The following MDFIC2 variants were observed in gnomAD, a reference collection of about 807,000 sequenced individuals.
MDFIC2 encodes myoD family inhibitor domain-containing protein 2.
At chr3:70,288,185 TG>T (rs1400399128) in intron 2 of MDFIC2, among the ~76,000 whole-genome samples, 3 of 143,148 alleles carry the variant, frequency 2.1e-5, no homozygotes, top group Non-Finnish European at 4.5e-5. Flanking sequence ...TGCTTTCTCT[TG>T]TGGGCATTTA....
chr3:70,213,589 C>A (rs1391279646), intron 2 of MDFIC2, among the ~76,000 whole-genome samples: 1 of 152,020 alleles, frequency 6.6e-6, no homozygotes, highest in Non-Finnish European at 1.5e-5. Context: ...AAACCATTAA[C>A]AAATTATTGT....
intron 2 of MDFIC2, among the ~76,000 whole-genome samples, chr3:70,308,123 C>T (rs1702420184): frequency 6.6e-6 from 1 of 152,200 alleles, no homozygotes; most frequent in African/African-American, 2.4e-5. Flanking sequence ...GTGATCATAG[C>T]TCACTGCAGC....
chr3:70,304,001 T>A (rs536329621), intron 2 of MDFIC2, among the ~76,000 whole-genome samples: 11 of 152,164 alleles, frequency 7.2e-5, no homozygotes, highest in Non-Finnish European at 1.5e-4. Flanking sequence ...CTTTAGAGAA[T>A]AAAATGTAGT....
chr3:70,304,774 G>C (rs908891956), intron 2 of MDFIC2, among the ~76,000 whole-genome samples: 8 of 152,034 alleles, frequency 5.3e-5, no homozygotes. Context: ...ATGTTACCCT[G>C]TTTAGAATCT....
intron 2 of MDFIC2, among the ~76,000 whole-genome samples, chr3:70,276,387 G>C (rs1005405507): frequency 6.6e-6 from 1 of 151,990 alleles, no homozygotes; most frequent in African/African-American, 2.4e-5. Flanking sequence ...TAATTCTATT[G>C]TCTTGTGATT....
At chr3:70,290,952 C>A (rs2106692836) in intron 2 of MDFIC2, among the ~76,000 whole-genome samples, 1 of 152,284 alleles carries the variant, frequency 6.6e-6, no homozygotes, top group African/African-American at 2.4e-5. Flanking sequence ...GACCTGAGCC[C>A]ACTGTCTGGC....
chr3:70,277,997 A>G (rs553080606), intron 2 of MDFIC2, among the ~76,000 whole-genome samples: 1 of 152,238 alleles, frequency 6.6e-6, no homozygotes, highest in Non-Finnish European at 1.5e-5. Context: ...AATCTTAAGT[A>G]TATACATTGA....
chr3:70,285,999 T>G (rs1344204391), intron 2 of MDFIC2, among the ~76,000 whole-genome samples: 6 of 150,832 alleles, frequency 4.0e-5, no homozygotes, highest in Non-Finnish European at 7.4e-5. Context: ...TTTCTCCCAT[T>G]TTGTAGGTTG....
intron 2 of MDFIC2, among the ~76,000 whole-genome samples, chr3:70,262,018 A>G (rs946892811): frequency 6.6e-6 from 1 of 152,152 alleles, no homozygotes; most frequent in African/African-American, 2.4e-5. Flanking sequence ...CTAACCCCAG[A>G]TAGAGGAGAC....
At chr3:70,296,542 C>T (rs1405007126) in intron 2 of MDFIC2, among the ~76,000 whole-genome samples, 1 of 152,134 alleles carries the variant, frequency 6.6e-6, no homozygotes, top group African/African-American at 2.4e-5. Context: ...TAATTCACAT[C>T]AGTTGGAATC....
At position 70,273,073 on chromosome 3, in the gene MDFIC2, G is replaced by A. The variant is rs567826574; in HGVS notation, c.88+38813C>T. Among the ~76,000 whole-genome samples the A allele has an allele frequency of 2.6e-5, 4 of 152,266 alleles. No individual in the cohort carries two copies. The East Asian group carries it at 7.7e-4, about 29-fold the overall frequency. On this transcript the variant is annotated intron_variant, in intron 2 of 3. Transcript: ENST00000567252. Reference sequence around the variant, plus strand: ...CCTACCTGTTGTCAAGGGAAGTTCAGCCAGTGACCCAAGTTTTGTCTGGGA... The same window carrying A: ...CCTACCTGTTGTCAAGGGAAGTTCAACCAGTGACCCAAGTTTTGTCTGGGA...
At chr3:70,260,466 C>G (rs1443613174) in intron 2 of MDFIC2, among the ~76,000 whole-genome samples, 1 of 151,932 alleles carries the variant, frequency 6.6e-6, no homozygotes. Context: ...TTTTTACATC[C>G]CCTCAGTTCA....
chr3:70,282,554 A>C (rs1702098101), intron 2 of MDFIC2, among the ~76,000 whole-genome samples: 1 of 152,162 alleles, frequency 6.6e-6, no homozygotes, highest in South Asian at 2.1e-4. Flanking sequence ...GGCTTTGAAC[A>C]TTCCAAGCAG....
At chr3:70,207,053 A>G (rs79947973) in intron 2 of MDFIC2, among the ~76,000 whole-genome samples, 30,881 of 146,040 alleles carry the variant, frequency 0.21, 3,694 homozygotes, top group Non-Finnish European at 0.28. Context: ...TTTTTTTGGT[A>G]ATAAGTAGGG....
At chr3:70,285,716 C>T (rs1233867159) in intron 2 of MDFIC2, among the ~76,000 whole-genome samples, 1 of 150,242 alleles carries the variant, frequency 6.7e-6, no homozygotes, top group Non-Finnish European at 1.5e-5. Flanking sequence ...CTCTCCAGCA[C>T]CTGTTGTTTC....
At chr3:70,245,671 T>TTATATATATATA (rs34480688) in intron 2 of MDFIC2, among the ~76,000 whole-genome samples, 9 of 57,238 alleles carry the variant, frequency 1.6e-4, no homozygotes, top group Admixed American at 2.5e-4. Context: ...GCAAACTGCT[T>TTATATATATATA]TATATATATA....
At chr3:70,237,423 T>C (rs919072135) in intron 2 of MDFIC2, among the ~76,000 whole-genome samples, 1 of 152,238 alleles carries the variant, frequency 6.6e-6, no homozygotes, top group Admixed American at 6.5e-5. Flanking sequence ...TTGACCTCTT[T>C]GTGCATGCCT....
At chr3:70,237,886 AAGG>A (rs2106639212) in intron 2 of MDFIC2, among the ~76,000 whole-genome samples, 1 of 151,854 alleles carries the variant, frequency 6.6e-6, no homozygotes, top group Admixed American at 6.5e-5. Context: ...ACCACAAAGA[AAGG>A]AGGATGAACT....
intron 2 of MDFIC2, among the ~76,000 whole-genome samples, chr3:70,225,276 G>C (rs937653940): frequency 6.6e-6 from 1 of 152,104 alleles, no homozygotes; most frequent in African/African-American, 2.4e-5. Flanking sequence ...AGATTTTCTT[G>C]AATTCTCTTC....
Sources: gnomAD v4.1 joint callset for allele counts (sites outside exome capture counted in the v4.1 genomes callset) on GRCh38, gnomAD v4.1.1 for gene constraint, MANE v1.5 for transcripts, NCBI Gene and HGNC (gene_info 2026-07-23, HGNC 2026-07-21) for gene names.